The following CENPE variants were observed in gnomAD, a reference collection of about 807,000 sequenced individuals.
CENPE encodes centromere protein E, also known as centromere-associated protein E.
In CENPE, 145 loss-of-function variants were observed where a neutral mutation model predicts 336.1. The observed-to-expected ratio is 0.43, with a 90% CI of 0.38 to 0.50. The LOEUF (loss-of-function observed/expected upper bound fraction) is 0.50, where lower values mean the gene tolerates loss of function less well. CENPE is among the 20% of genes least tolerant of loss of function. The probability of loss-of-function intolerance (pLI) is 0.00; values close to 1 mark genes in which losing one functional copy is unlikely to be tolerated. For missense variants in CENPE, 2,719 were observed against 3,023.3 expected, an observed-to-expected ratio of 0.90 and a Z score of 2.36; for synonymous variants, 1,013 against 984.8, an observed-to-expected ratio of 1.03 and a Z score of -0.54.
intron 2 of CENPE, 114 bp from the exon 3 acceptor site, chr4:103,196,366 A>G: frequency 1.2e-6 from 1 of 824,436 alleles, no homozygotes; most frequent in East Asian, 2.7e-5. Flanking sequence ...ATGTAGGATG[A>G]TCAACTATTT....
rs1474834252 is a variant in CENPE at position 103,156,171 on chromosome 4, T to C, written c.3033+2129A>G. On this transcript the variant is annotated intron_variant, in intron 24 of 48. Coordinates refer to ENST00000265148, the MANE Select transcript of CENPE (RefSeq NM_001813.3). The stretch of plus-strand genomic sequence containing the variant: ...AAGACATCAATACTACCGAACAATC[T>C]ACCATTTAATGTAATCCCTATCAAA... Among the ~76,000 whole-genome samples the C allele has an allele frequency of 3.3e-5, 5 of 152,210 alleles. No homozygotes were observed. The South Asian group carries it at 1.0e-3, about 31-fold the overall frequency.
intron 21 of CENPE, 135 bp from the exon 22 acceptor site, chr4:103,159,459 T>C (rs982815281): frequency 7.8e-6 from 4 of 512,732 alleles, no homozygotes; most frequent in South Asian, 3.3e-5. Flanking sequence ...AAAGGCAATA[T>C]AGTAGTACTC....
At chr4:103,181,270 G>A (rs1290895947) in intron 12 of CENPE, 67 bp downstream of exon 12, 6 of 1,159,944 alleles carry the variant, frequency 5.2e-6, no homozygotes, top group Non-Finnish European at 7.0e-6. Context: ...GAGTCTCTGA[G>A]CATTTGGGCA....
chr4:103,112,470 T>C (rs192011166), intron 46 of CENPE, among the ~76,000 whole-genome samples: 102 of 140,208 alleles, frequency 7.3e-4, no homozygotes, highest in African/African-American at 2.8e-3. Flanking sequence ...TCTATACATA[T>C]ATACTTATAT....
chr4:103,198,339 C>A lies in CENPE; in HGVS notation c.-20G>T. 1 of 1,550,978 alleles carries A rather than the reference C, an allele frequency of 6.4e-7. No individual in the cohort carries two copies. The highest frequency in any genetic ancestry group is 8.7e-7 in the Non-Finnish European group (1 of 1,146,614). ...CGCCATCCTATCAGGCTGAACTGGT[C>A]CCAGGAAAATGGCCAGGACCCTCCG... On this transcript the variant is annotated 5_prime_UTR_variant, in exon 1 of 49. Transcript: ENST00000265148.
At position 103,137,726 on chromosome 4, in the gene CENPE, A is replaced by G. The variant is rs116428333; in HGVS notation, c.6303+625T>C. Reference sequence around the variant, plus strand: ...AATCTCAACACTTCTCACTACCTCTATTGCTCCCTCTCTGGGCCAGGCCAG... The same window carrying G: ...AATCTCAACACTTCTCACTACCTCTGTTGCTCCCTCTCTGGGCCAGGCCAG... On this transcript the variant is annotated intron_variant, in intron 39 of 48. Transcript: ENST00000265148. Among the ~76,000 whole-genome samples the G allele has an allele frequency of 4.7e-3, 711 of 152,102 alleles. 4 individuals carry two copies. The highest frequency in any genetic ancestry group is 0.016 in the African/African-American group (650 of 41,488).
rs1756487631 is a variant in CENPE, at chr4:103,183,440, G to A, written c.746-152C>T. ...GAGCCCATCTTTAATATCAGTGGTA[G>A]AAAGAGCTCTCTCCCTATTGGTCCC... is the stretch of plus-strand genomic sequence containing the variant. On this transcript the variant is annotated intron_variant, in intron 9 of 48. Transcript: ENST00000265148. 1.1e-5 allele frequency: 6 copies of A among 561,138 alleles called. No individual in the cohort carries two copies. In the South Asian group the frequency reaches 1.8e-4, roughly 16 times the overall value. The allele number at this position is 561,138 out of a possible 1,614,324, so 34.8% of individuals were successfully genotyped here.
At position 103,158,833 on chromosome 4, in the gene CENPE, T is replaced by C. The variant is rs376175124; in HGVS notation, c.2655A>G (p.Arg885=). 10 of 1,612,110 alleles carry C rather than the reference T, an allele frequency of 6.2e-6. No individual in the cohort carries two copies. The highest frequency in any genetic ancestry group is 2.7e-5 in the African/African-American group (2 of 74,788). Residue 885 remains arginine, a synonymous_variant, in exon 23 of 49, where the codon AGA becomes AGG. Coordinates refer to ENST00000265148, the MANE Select transcript of CENPE (RefSeq NM_001813.3). ...CCTTCAGCTGTTCCATCTCATTTAGTCTTTCTTGAACCTCACGTGTTTTCT... is the reference window on the plus strand; with the variant it reads ...CCTTCAGCTGTTCCATCTCATTTAGCCTTTCTTGAACCTCACGTGTTTTCT... ...LQEKTREVQE[R]LNEMEQLKEQ... is the part of the protein sequence containing the mutation.
chr4:103,170,150 G>C (rs1335066874), intron 16 of CENPE, among the ~76,000 whole-genome samples: 1 of 152,210 alleles, frequency 6.6e-6, no homozygotes. Flanking sequence ...GGGGCCTAGG[G>C]GAGGGATGGC....
chr4:103,113,584 C>T (rs1749799010), intron 46 of CENPE, among the ~76,000 whole-genome samples: 1 of 137,206 alleles, frequency 7.3e-6, no homozygotes, highest in African/African-American at 2.7e-5. Flanking sequence ...TTTTATATTA[C>T]TTATATATTA....
chr4:103,112,035 ACTT>A (rs1025753053), intron 46 of CENPE, among the ~76,000 whole-genome samples: 22 of 151,756 alleles, frequency 1.4e-4, no homozygotes, highest in Non-Finnish European at 1.3e-4. Context: ...TAAAAAAGAC[ACTT>A]ATTACATGAG....
chr4:103,119,677 T>C (rs1389298201), intron 44 of CENPE, among the ~76,000 whole-genome samples: 2 of 152,102 alleles, frequency 1.3e-5, no homozygotes, highest in East Asian at 1.9e-4. Flanking sequence ...GAGCTGTAAG[T>C]AGTGATTAAT....
At chr4:103,196,290 A>T in intron 2 of CENPE, 38 bp from the exon 3 acceptor site, 1 of 1,440,644 alleles carries the variant, frequency 6.9e-7, no homozygotes, top group East Asian at 2.3e-5. Context: ...ACAGAAGTTA[A>T]ATCAAATGAG....
intron 16 of CENPE, among the ~76,000 whole-genome samples, chr4:103,173,605 T>A (rs1755603847): frequency 6.6e-6 from 1 of 151,796 alleles, no homozygotes; most frequent in African/African-American, 2.4e-5. Flanking sequence ...ATATTTGCAA[T>A]ATTTGCAGAA....
rs372877290 is a variant in CENPE at position 103,161,367 on chromosome 4, T to G, written c.1933A>C (p.Arg645=). Residue 645 remains arginine, a synonymous_variant, in exon 19 of 49, where the codon AGA becomes CGA. Transcript: ENST00000265148. ...TCCTTCAGCTCCAGATTTTCACTTCTAAGAAAGGCTGATTCTCTCTTGGCA... is the reference window on the plus strand; with the variant it reads ...TCCTTCAGCTCCAGATTTTCACTTCGAAGAAAGGCTGATTCTCTCTTGGCA... The part of the protein sequence containing the change: ...LDAKRESAFL[R]SENLELKEKM... 3 of 1,611,706 alleles carry G rather than the reference T, an allele frequency of 1.9e-6. No individual in the cohort carries two copies. The African/African-American group carries it at 4.0e-5, about 22-fold the overall frequency.
intron 26 of CENPE, 39 bp downstream of exon 26, chr4:103,151,180 T>G (rs752790942): frequency 8.3e-6 from 13 of 1,568,300 alleles, no homozygotes; most frequent in African/African-American, 1.4e-5. Context: ...AAAAGTTTAG[T>G]TAGAAAAAAT....
intron 39 of CENPE, 92 bp from the exon 40 acceptor site, chr4:103,136,451 C>G: frequency 1.2e-6 from 1 of 834,014 alleles, no homozygotes; most frequent in East Asian, 2.8e-5. Context: ...AAAACTTATG[C>G]TTTAACATTT....
Position 103,111,130 on chromosome 4 carries a change from T to G in CENPE, c.7541-119A>C, listed in dbSNP as rs1017391111. ...GAGACCCAAACAGCTCAAGTCTTAT[T>G]TCCCTGGAAGTCACCCTTGACTTCT... On this transcript the variant is annotated intron_variant, in intron 46 of 48. Transcript: ENST00000265148. The G allele has an allele frequency of 6.1e-6, 4 of 658,992 alleles. No individual in the cohort carries two copies. In the East Asian group the frequency reaches 1.1e-4, roughly 19 times the overall value. The allele number at this position is 658,992 out of a possible 1,614,324, so 40.8% of individuals were successfully genotyped here.
rs370206992 is a variant in CENPE, at chr4:103,133,185, T to A, written c.6721-289A>T. 1.1e-4 allele frequency among the ~76,000 whole-genome samples: 17 copies of A among 152,044 alleles called. No homozygotes were observed. In the East Asian group the frequency reaches 3.3e-3, roughly 29 times the overall value. The stretch of plus-strand genomic sequence containing the variant: ...AAAGCTTGTCAAAATGACAAATTTG[T>A]GACTAATTGCTACAATACCTGAAGT... On this transcript the variant is annotated intron_variant, in intron 41 of 48. Coordinates refer to ENST00000265148, the MANE Select transcript of CENPE (RefSeq NM_001813.3).
Sources: gnomAD v4.1 joint callset for allele counts (sites outside exome capture counted in the v4.1 genomes callset) on GRCh38, gnomAD v4.1.1 for gene constraint, MANE v1.5 for transcripts, NCBI Gene and HGNC (gene_info 2026-07-23, HGNC 2026-07-21) for gene names.